Variants in CRLS1 observed in about 807,000 individuals in gnomAD.
The protein encoded by CRLS1 is cardiolipin synthase (CMP-forming).
Under a neutral mutation model 37.0 loss-of-function variants are expected in CRLS1, and 24 were observed. The ratio of observed to expected loss-of-function variants is 0.65; its 90% CI spans 0.47 to 0.91. CRLS1 has a LOEUF of 0.91. Ranked by LOEUF, CRLS1 falls within the 40% of genes least tolerant of loss-of-function variation. CRLS1 has a pLI of 0.00. For missense variants in CRLS1, 373 were observed against 395.8 expected, an observed-to-expected ratio of 0.94 and a Z score of 0.49; for synonymous variants, 135 against 159.7, an observed-to-expected ratio of 0.85 and a Z score of 1.17.
intron 3 of CRLS1, chr20:6,028,199 T>G (rs1276819329): frequency 3.9e-5 from 6 of 152,160 alleles, no homozygotes; most frequent in Non-Finnish European, 8.8e-5. Flanking sequence ...GATCAAGAAA[T>G]TTTTTTGCTT....
chr20:6,021,246 T>A (rs186325896), intron 3 of CRLS1, among the ~76,000 whole-genome samples: 50 of 152,096 alleles, frequency 3.3e-4, no homozygotes, highest in African/African-American at 1.0e-3. Flanking sequence ...TTTGTATTTT[T>A]AGTAGAGACG....
At chr20:6,034,585 A>C in intron 6 of CRLS1, 30 bp downstream of exon 6, 1 of 1,461,578 alleles carries the variant, frequency 6.8e-7, no homozygotes, top group Non-Finnish European at 9.6e-7. Flanking sequence ...ACTCTCTTAG[A>C]ATGTCAACAG....
At chr20:6,015,687 A>G (rs1978693666) in intron 3 of CRLS1, 197 bp downstream of exon 3, 1 of 526,740 alleles carries the variant, frequency 1.9e-6, no homozygotes, top group Non-Finnish European at 3.4e-6. Flanking sequence ...TTGTTTTACT[A>G]GTAAAATCAG....
Position 6,038,997 on chromosome 20 carries a change from G to C in CRLS1, c.*1839G>C, listed in dbSNP as rs746539233. On this transcript the variant is annotated 3_prime_UTR_variant, in exon 7 of 7. Transcript: ENST00000378863. ...AAAACACTGGAATTGTATTAGACAT[G>C]TCTGAGTATGTACTTGTTTATAGAC... The C allele has an allele frequency of 6.6e-6, 1 of 152,208 alleles. No individual in the cohort carries two copies. Among genetic ancestry groups the C allele is most frequent in the South Asian group, 2.1e-4 (1 of 4,832 alleles). The allele number at this position is 152,208 out of a possible 1,614,324, so 9.4% of individuals were successfully genotyped here.
chr20:6,019,750 C>T (rs1171860438), intron 3 of CRLS1, among the ~76,000 whole-genome samples: 1 of 148,952 alleles, frequency 6.7e-6, no homozygotes, highest in Non-Finnish European at 1.5e-5. Context: ...CAACCTCTGC[C>T]TCCTGGGTTC....
In CRLS1 at chr20:6,034,460, T is replaced by C; in HGVS notation, c.730-4T>C. 1.2e-6 allele frequency: 2 copies of C among 1,607,302 alleles called. No homozygotes were observed. The highest frequency in any genetic ancestry group is 1.7e-6 in the Non-Finnish European group (2 of 1,177,138). On this transcript the variant is annotated splice_region_variant and splice_polypyrimidine_tract_variant and intron_variant, in intron 5 of 6. Transcript: ENST00000378863. ...CACTTAGAACTTTTTCTTTTTTTAT[T>C]TAGGTGAATACAGCAGTCCAGTTAA...
chr20:6,016,630 G>A (rs971399665), intron 3 of CRLS1, among the ~76,000 whole-genome samples: 1 of 152,192 alleles, frequency 6.6e-6, no homozygotes, highest in African/African-American at 2.4e-5. Flanking sequence ...ATTTTACAAA[G>A]GTTGGCCAGT....
Position 6,006,258 on chromosome 20 carries a change from G to C in CRLS1, c.12G>C (p.Leu4Phe). 1 of 1,249,558 alleles carries C rather than the reference G, an allele frequency of 8.0e-7. No individual in the cohort carries two copies. The highest frequency in any genetic ancestry group is 1.0e-6 in the Non-Finnish European group (1 of 1,000,086). 77.4% of individuals were successfully genotyped at this position (1,249,558 alleles called of 1,614,324 possible). The stretch of plus-strand genomic sequence containing the variant: ...GCGGCCGCAGGGCCATGCTAGCCTT[G>C]CGCGTGGCGCGCGGCTCGTGGGGGG... MLA[L>F]RVARGSWGAL... The change falls in exon 1 of 7, where the codon TTG becomes TTC. Residue 4 changes from leucine to phenylalanine, a missense_variant. Leu to Phe is a conservative substitution (Grantham distance 22). Transcript: ENST00000378863.
chr20:6,009,743 T>G (rs972664364), intron 1 of CRLS1, 32 bp from the exon 2 acceptor site: 2 of 1,584,372 alleles, frequency 1.3e-6, no homozygotes, highest in Non-Finnish European at 1.7e-6. Flanking sequence ...TTCATAGTAT[T>G]TTACTTAAAT....
At chr20:6,021,254 A>T (rs1179091729) in intron 3 of CRLS1, among the ~76,000 whole-genome samples, 3 of 151,482 alleles carry the variant, frequency 2.0e-5, no homozygotes, top group African/African-American at 7.3e-5. Context: ...TTTAGTAGAG[A>T]CGGGGTTTCA....
chr20:6,027,145 G>A (rs1053537545), intron 3 of CRLS1, among the ~76,000 whole-genome samples: 3 of 149,158 alleles, frequency 2.0e-5, no homozygotes, highest in Non-Finnish European at 3.0e-5. Context: ...GTGCAATGGC[G>A]CTATCTCGGC....
chr20:6,029,689 A>G (rs7508907), intron 3 of CRLS1, among the ~76,000 whole-genome samples: 12,186 of 152,172 alleles, frequency 0.08, 757 homozygotes, highest in African/African-American at 0.17. Context: ...TTGTTGTTAG[A>G]TTTTGCCAGC....
chr20:6,014,448 TCC>T (rs1978582959), intron 2 of CRLS1, among the ~76,000 whole-genome samples: 1 of 152,252 alleles, frequency 6.6e-6, no homozygotes, highest in Non-Finnish European at 1.5e-5. Flanking sequence ...TAATCTTTTT[TCC>T]CCTTAGAAAT....
In CRLS1 at chr20:6,015,237, A is replaced by G. The variant is rs560034974; in HGVS notation, c.445-124A>G. The G allele has an allele frequency of 3.1e-5, 17 of 549,220 alleles. No homozygotes were observed. In the East Asian group the frequency reaches 3.5e-4, roughly 11 times the overall value. 34.0% of individuals were successfully genotyped at this position (549,220 alleles called of 1,614,324 possible). A position where few individuals can be genotyped will look rare whatever the true frequency, so the allele number is the denominator to read the frequency against. On this transcript the variant is annotated intron_variant, in intron 2 of 6. Coordinates refer to ENST00000378863, the MANE Select transcript of CRLS1 (RefSeq NM_019095.6). ...ATGAGAATGTTTGGGGGTAAGAAAC[A>G]GAAGACATTTTGTTAACATTTTATG...
At chr20:6,013,855 G>A (rs1438689221) in intron 2 of CRLS1, among the ~76,000 whole-genome samples, 1 of 152,094 alleles carries the variant, frequency 6.6e-6, no homozygotes, top group African/African-American at 2.4e-5. Flanking sequence ...TTGAAGGAGA[G>A]TGGAGTGAAG....
intron 3 of CRLS1, among the ~76,000 whole-genome samples, chr20:6,024,508 C>T (rs1448202775): frequency 6.6e-6 from 1 of 152,176 alleles, no homozygotes; most frequent in East Asian, 1.9e-4. Flanking sequence ...ATCACTCTCC[C>T]TCTCCTCAGG....
chr20:6,007,376 C>T, intron 1 of CRLS1: 1 of 1,613,492 alleles, frequency 6.2e-7, no homozygotes, highest in South Asian at 1.1e-5. Context: ...TGAAGTCCTT[C>T]CCAGAACGGC....
chr20:6,006,438 C>T lies in CRLS1; in HGVS notation c.192C>T (p.Gly64=). 7.1e-7 allele frequency: 1 copy of T among 1,406,798 alleles called. No homozygotes were observed. Among genetic ancestry groups the T allele is most frequent in the Non-Finnish European group, 9.2e-7 (1 of 1,081,230 alleles). 87.1% of individuals were successfully genotyped at this position (1,406,798 alleles called of 1,614,324 possible). A position where few individuals can be genotyped will look rare whatever the true frequency, so the allele number is the denominator to read the frequency against. ...AALGLRLPGI[G]QRNHCSGAGK... ...TTGGCTTGCGGCTGCCCGGGATCGG[C>T]CAGCGGAACCACTGTTCGGGCGCGG... is the stretch of plus-strand genomic sequence containing the variant. Residue 64 remains glycine (G), a synonymous_variant, in exon 1 of 7, where the codon GGC becomes GGT. Transcript: ENST00000378863.
At chr20:6,033,364 G>C (rs561440858) in intron 5 of CRLS1, among the ~76,000 whole-genome samples, 1 of 151,952 alleles carries the variant, frequency 6.6e-6, no homozygotes, top group Non-Finnish European at 1.5e-5. Context: ...TCAAACTCCT[G>C]ACCTCAGGTG....
Sources: gnomAD v4.1 joint callset for allele counts (sites outside exome capture counted in the v4.1 genomes callset) on GRCh38, gnomAD v4.1.1 for gene constraint, MANE v1.5 for transcripts, NCBI Gene and HGNC (gene_info 2026-07-23, HGNC 2026-07-21) for gene names.